NAALADL2: variants seen among roughly 807,000 people sequenced by gnomAD.
The protein encoded by NAALADL2 is N-acetylated alpha-linked acidic dipeptidase like 2, also known as inactive N-acetylated-alpha-linked acidic dipeptidase-like protein 2.
In NAALADL2, 76 loss-of-function variants were observed where a neutral mutation model predicts 87.2. The ratio of observed to expected loss-of-function variants is 0.87; its 90% CI spans 0.72 to 1.05. The LOEUF (loss-of-function observed/expected upper bound fraction) is 1.05, where lower values mean the gene tolerates loss of function less well. NAALADL2 is among the 50% of genes least tolerant of loss of function. NAALADL2 has a pLI of 0.00. For synonymous variants in NAALADL2, 354 were observed against 331.0 expected, an observed-to-expected ratio of 1.07 and a Z score of -0.75; for missense variants, 1,089 against 945.8, an observed-to-expected ratio of 1.15 and a Z score of -1.99.
chr3:175,373,703 T>C (rs1373047026), intron 5 of NAALADL2, among the ~76,000 whole-genome samples: 12 of 152,170 alleles, frequency 7.9e-5, no homozygotes, highest in Admixed American at 2.6e-4. Context: ...CTAGGTCACA[T>C]AGTAAGTGTA....
At chr3:175,288,485 T>G (rs2110125816) in intron 4 of NAALADL2, among the ~76,000 whole-genome samples, 1 of 152,272 alleles carries the variant, frequency 6.6e-6, no homozygotes, top group Non-Finnish European at 1.5e-5. Flanking sequence ...AATTAAGCAT[T>G]TAAGGAAAAT....
chr3:175,643,195 G>A (rs192118689), intron 11 of NAALADL2, among the ~76,000 whole-genome samples: 2 of 152,252 alleles, frequency 1.3e-5, no homozygotes, highest in Non-Finnish European at 2.9e-5. Flanking sequence ...GTTGATAGAT[G>A]TTGCAATAGT....
intron 1 of NAALADL2, among the ~76,000 whole-genome samples, chr3:174,547,737 G>A (rs1023809922): frequency 1.3e-5 from 2 of 151,898 alleles, no homozygotes; most frequent in Admixed American, 6.6e-5. Flanking sequence ...CAATAGTTCT[G>A]AGTCAAGTGA....
chr3:174,803,261 G>A (rs1473288928), intron 3 of NAALADL2, among the ~76,000 whole-genome samples: 1 of 152,088 alleles, frequency 6.6e-6, no homozygotes, highest in Non-Finnish European at 1.5e-5. Context: ...GTGTCTGTGG[G>A]CTGCATAAAT....
intron 2 of NAALADL2, among the ~76,000 whole-genome samples, chr3:175,147,192 T>C (rs1464742699): frequency 6.6e-6 from 1 of 152,194 alleles, no homozygotes; most frequent in Admixed American, 6.5e-5. Context: ...GTCACCCAGG[T>C]AGTGTGTAGA....
intron 1 of NAALADL2, among the ~76,000 whole-genome samples, chr3:174,888,019 G>A (rs1730394912): frequency 6.6e-6 from 1 of 152,068 alleles, no homozygotes; most frequent in South Asian, 2.1e-4. Flanking sequence ...AAAGCTGATC[G>A]CTTTGGATAC....
chr3:175,254,939 G>A (rs1244837644), intron 3 of NAALADL2, among the ~76,000 whole-genome samples: 1 of 152,124 alleles, frequency 6.6e-6, no homozygotes, highest in Non-Finnish European at 1.5e-5. Flanking sequence ...TAGAGATATT[G>A]TATGAGCTAT....
chr3:175,702,239 C>T (rs1293854239), intron 11 of NAALADL2, among the ~76,000 whole-genome samples: 5 of 152,040 alleles, frequency 3.3e-5, no homozygotes, highest in Non-Finnish European at 7.4e-5. Flanking sequence ...TCTCTCTGCA[C>T]GTCACAATGC....
intron 11 of NAALADL2, among the ~76,000 whole-genome samples, chr3:175,699,358 A>T (rs891584897): frequency 8.6e-5 from 13 of 152,036 alleles, no homozygotes; most frequent in Non-Finnish European, 1.6e-4. Flanking sequence ...CAAGAGATTA[A>T]GAATAAAGAA....
chr3:174,637,081 G>GT (rs1160145538), intron 2 of NAALADL2, among the ~76,000 whole-genome samples: 1 of 152,098 alleles, frequency 6.6e-6, no homozygotes, highest in African/African-American at 2.4e-5. Context: ...AGAAACATAA[G>GT]TATCACATGT....
intron 10 of NAALADL2, among the ~76,000 whole-genome samples, chr3:175,580,751 A>AT: frequency 6.6e-6 from 1 of 152,192 alleles, no homozygotes; most frequent in South Asian, 2.1e-4. Flanking sequence ...TTTGTAACTT[A>AT]TTTTTTTAAA....
intron 5 of NAALADL2, among the ~76,000 whole-genome samples, chr3:175,331,774 A>G (rs973764869): frequency 2.6e-5 from 4 of 152,216 alleles, no homozygotes; most frequent in African/African-American, 9.6e-5. Context: ...AAAAGAAAGA[A>G]ATAAAAAGAC....
At chr3:175,083,145 T>G (rs1718208201) in intron 1 of NAALADL2, among the ~76,000 whole-genome samples, 1 of 152,200 alleles carries the variant, frequency 6.6e-6, no homozygotes, top group East Asian at 1.9e-4. Context: ...GGATGGATTT[T>G]CCAGGAACCA....
At chr3:175,523,082 G>A (rs1482260926) in intron 9 of NAALADL2, among the ~76,000 whole-genome samples, 1 of 152,148 alleles carries the variant, frequency 6.6e-6, no homozygotes, top group Non-Finnish European at 1.5e-5. Context: ...AGAATCCATA[G>A]CTTTTGACAG....
At chr3:175,471,597 T>TAAATA in intron 8 of NAALADL2, 42 bp from the exon 9 acceptor site, 1 of 1,129,174 alleles carries the variant, frequency 8.9e-7, no homozygotes, top group Non-Finnish European at 1.3e-6. Flanking sequence ...AGAATCTATT[T>TAAATA]ATTTGTCTTA....
intron 5 of NAALADL2, among the ~76,000 whole-genome samples, chr3:175,429,518 C>T (rs2862018): frequency 0.72 from 109,180 of 151,684 alleles, 39,904 homozygotes; most frequent in Middle Eastern, 0.81. Context: ...ATAGTGCTAA[C>T]GAGAGGAAAA....
intron 4 of NAALADL2, among the ~76,000 whole-genome samples, chr3:175,266,369 A>T (rs1184208440): frequency 1.3e-5 from 2 of 151,558 alleles, no homozygotes; most frequent in Non-Finnish European, 3.0e-5. Flanking sequence ...AAAATTAGGA[A>T]AGGTCAGATT....
At chr3:174,816,193 C>G (rs894636035) in intron 3 of NAALADL2, among the ~76,000 whole-genome samples, 8 of 151,810 alleles carry the variant, frequency 5.3e-5, no homozygotes, top group African/African-American at 1.9e-4. Context: ...CTACTCCTAT[C>G]CTCTTCTTCA....
intron 1 of NAALADL2, among the ~76,000 whole-genome samples, chr3:174,443,902 G>A (rs1026295086): frequency 6.6e-5 from 10 of 151,544 alleles, no homozygotes; most frequent in Admixed American, 6.6e-4. Context: ...TGACCATGAT[G>A]TTGCCAGTTT....
Sources: allele counts gnomAD v4.1 joint callset (sites outside exome capture counted in the v4.1 genomes callset), GRCh38; gene constraint gnomAD v4.1.1; transcripts MANE v1.5; gene names NCBI Gene and HGNC (gene_info 2026-07-23, HGNC 2026-07-21).